EIF2AK4: variants seen among roughly 807,000 people sequenced by gnomAD.
The protein encoded by EIF2AK4 is eIF-2-alpha kinase GCN2.
In EIF2AK4, 139 loss-of-function variants were observed where a neutral mutation model predicts 211.1. That is an observed-to-expected ratio of 0.66 (90% confidence interval 0.57 to 0.76). EIF2AK4 has a LOEUF of 0.76. Among genes scored for constraint, EIF2AK4 ranks in the 30% least tolerant of loss-of-function variants. The pLI is 0.00. For synonymous variants in EIF2AK4, 710 were observed against 751.3 expected (o/e 0.94, Z 0.90); for missense variants, 1,664 against 2,043.8 (o/e 0.81, Z 3.58).
intron 21 of EIF2AK4, among the ~76,000 whole-genome samples, chr15:40,001,653 A>AAACAGTGC (rs952371482): frequency 4.3e-5 from 6 of 140,716 alleles, no homozygotes; most frequent in African/African-American, 1.6e-4. Context: ...AAAAAAAAAG[A>AAACAGTGC]AACAGTGCAT....
intron 9 of EIF2AK4, among the ~76,000 whole-genome samples, chr15:39,969,461 C>T (rs1194404760): frequency 1.3e-5 from 2 of 149,444 alleles, no homozygotes; most frequent in East Asian, 2.0e-4. Context: ...CCCAGGTTCA[C>T]GCCATTCTCC....
rs762305924 is a variant in EIF2AK4, at chr15:39,972,867, ATTGT to A, written c.1554-36_1554-33del. 3.3e-6 allele frequency: 5 copies of A among 1,528,114 alleles called. No homozygotes were observed. The African/African-American group carries it at 5.5e-5, about 17-fold the overall frequency. 94.7% of individuals were successfully genotyped at this position (1,528,114 alleles called of 1,614,324 possible). On this transcript the variant is annotated intron_variant, in intron 9 of 38. Transcript: ENST00000263791. ...CCTTGGATTAACTAGTTTAGCACTG[ATTGT>A]TTGTGATGCTAAGATTCTTCCTTCC... is the stretch of plus-strand genomic sequence containing the variant.
chr15:40,009,965 G>T (rs972894682), intron 26 of EIF2AK4, among the ~76,000 whole-genome samples: 1 of 152,074 alleles, frequency 6.6e-6, no homozygotes, highest in Admixed American at 6.6e-5. Context: ...AATAACCTCC[G>T]GGGTGTTTTT....
In EIF2AK4 at chr15:39,949,107, C is replaced by T. The variant is rs773102331; in HGVS notation, c.361-9C>T. ...ATCATTTGTGGTTGATTTTTGTTTA[C>T]ATGTTTAGGTGATGATCTTTGAACT... On this transcript the variant is annotated splice_polypyrimidine_tract_variant and intron_variant, in intron 3 of 38. Transcript: ENST00000263791. 6 of 1,607,474 alleles carry T rather than the reference C, an allele frequency of 3.7e-6. No homozygotes were observed. The highest frequency in any genetic ancestry group is 5.1e-6 in the Non-Finnish European group (6 of 1,174,586).
rs1308149414 is a variant in EIF2AK4 at position 40,017,545 on chromosome 15, A to ATG, written c.4065+304_4065+305insGT. 2.5e-3 allele frequency among the ~76,000 whole-genome samples: 137 copies of ATG among 54,802 alleles called. 7 individuals are homozygous for ATG. The highest frequency in any genetic ancestry group is 8.6e-3 in the Admixed American group (32 of 3,700). The allele number at this position is 54,802 out of a possible 152,430, so 36.0% of individuals were successfully genotyped here. On this transcript the variant is annotated intron_variant, in intron 29 of 38. Coordinates refer to ENST00000263791, the MANE Select transcript of EIF2AK4 (RefSeq NM_001013703.4). ...TATATATATATATATATATATATAT[A>ATG]TATATATATGTATTTTGGAGACAGG...
At chr15:40,026,226 T>C (rs1481896832) in intron 33 of EIF2AK4, 137 bp downstream of exon 33, 6 of 730,404 alleles carry the variant, frequency 8.2e-6, no homozygotes, top group Non-Finnish European at 1.3e-5. Context: ...AGGCCAAGTT[T>C]GGGGAATCAC....
In EIF2AK4 at chr15:40,035,010, T is replaced by C. The variant is rs749948513; in HGVS notation, c.4893-17T>C. On this transcript the variant is annotated splice_polypyrimidine_tract_variant and intron_variant, in intron 38 of 38. Coordinates refer to ENST00000263791, the MANE Select transcript of EIF2AK4 (RefSeq NM_001013703.4). Reference sequence around the variant, plus strand: ...TTAAACTGAGTCTGTCCTTATATCTTTTCTTTTCTTTTGCAGGGTGTCTGT... The same window carrying C: ...TTAAACTGAGTCTGTCCTTATATCTCTTCTTTTCTTTTGCAGGGTGTCTGT... 3.2e-6 allele frequency: 5 copies of C among 1,552,204 alleles called. No homozygotes were observed. The African/African-American group carries it at 6.8e-5, about 21-fold the overall frequency.
chr15:39,951,822 C>G lies in EIF2AK4; in HGVS notation c.514-2082C>G, dbSNP rs547076808. 3.8e-4 allele frequency: 60 copies of G among 158,788 alleles called. 1 individual carries two copies. In the South Asian group the frequency reaches 0.01, roughly 28 times the overall value. The allele number at this position is 158,788 out of a possible 1,614,324, so 9.8% of individuals were successfully genotyped here. ...ATTATACAAGCCATGGTATAGAGACCTCCTTACTTACCCCCTTCTCCTTCT... is the reference window on the plus strand; with the variant it reads ...ATTATACAAGCCATGGTATAGAGACGTCCTTACTTACCCCCTTCTCCTTCT... On this transcript the variant is annotated intron_variant, in intron 4 of 38. Transcript: ENST00000263791.
chr15:39,934,117 C>T lies in EIF2AK4; in HGVS notation c.-79C>T, dbSNP rs2034024663. On this transcript the variant is annotated 5_prime_UTR_variant, in exon 1 of 39. Transcript: ENST00000263791. ...AACACCGCCCATAGCCCGTCCCCAG[C>T]GCGGAGCCCCGCCCCGCAGGCTGCC... 2.5e-6 allele frequency: 3 copies of T among 1,187,024 alleles called. No homozygotes were observed. 73.5% of individuals were successfully genotyped at this position (1,187,024 alleles called of 1,614,324 possible).
intron 9 of EIF2AK4, 27 bp downstream of exon 9, chr15:39,967,906 T>C (rs535253036): frequency 1.9e-6 from 3 of 1,606,912 alleles, no homozygotes; most frequent in South Asian, 1.1e-5. Context: ...TTCTCTCTAA[T>C]AGCACTTTAC....
chr15:40,029,525 T>C lies in EIF2AK4; in HGVS notation c.4561+61T>C, dbSNP rs2035510571. 3.3e-6 allele frequency: 5 copies of C among 1,524,216 alleles called. No individual in the cohort carries two copies. The South Asian group carries it at 4.8e-5, about 15-fold the overall frequency. 94.4% of individuals were successfully genotyped at this position (1,524,216 alleles called of 1,614,324 possible). ...CTTATATGTTTGCTCTAAGCACTTA[T>C]TACTGTAGCTAACTGCTTGTGACAC... On this transcript the variant is annotated intron_variant, in intron 34 of 38. Coordinates refer to ENST00000263791, the MANE Select transcript of EIF2AK4 (RefSeq NM_001013703.4).
At position 39,961,852 on chromosome 15, in the gene EIF2AK4, A is replaced by G. The variant is rs759523144; in HGVS notation, c.812A>G (p.Asn271Ser). 5.6e-6 allele frequency: 9 copies of G among 1,614,046 alleles called. No individual in the cohort carries two copies. Among genetic ancestry groups the G allele is most frequent in the Non-Finnish European group, 7.6e-6 (9 of 1,180,010 alleles). ...SPGSCEILYF[N>S]MGSPDQLMVH... ...GGCTCTTGTGAAATTCTGTATTTCA[A>G]TATGGGGAGTCCTGATCAGCTCATG... The change falls in exon 7 of 39, where the codon AAT (asparagine) becomes AGT (serine). Residue 271 changes from asparagine (N) to serine (S), a missense_variant. Physicochemically the swap from Asn to Ser is conservative, Grantham distance 46. Around this residue, in one of 7 missense-constraint regions of EIF2AK4, gnomAD observed 641 missense variants for 729.6 expected, o/e 0.88. Coordinates refer to ENST00000263791, the MANE Select transcript of EIF2AK4 (RefSeq NM_001013703.4).
intron 33 of EIF2AK4, 26 bp from the exon 34 acceptor site, chr15:40,029,369 GACTGTTCTTTA>G: frequency 6.2e-7 from 1 of 1,609,562 alleles, no homozygotes; most frequent in East Asian, 2.2e-5. Context: ...GTGCCTTATT[GACTGTTCTTTA>G]ATTGTTTTTG....
Position 39,943,469 on chromosome 15 carries a change from A to G in EIF2AK4, c.344A>G (p.Lys115Arg), listed in dbSNP as rs761449842. 1 of 1,585,460 alleles carries G rather than the reference A, an allele frequency of 6.3e-7. No homozygotes were observed. Among genetic ancestry groups the G allele is most frequent in the Non-Finnish European group, 8.5e-7 (1 of 1,170,582 alleles). Residue 115 changes from lysine (K) to arginine (R), a missense_variant, in exon 3 of 39, where the codon AAG becomes AGG. Lys to Arg is a conservative substitution (Grantham distance 26, BLOSUM62 2). Coordinates refer to ENST00000263791, the MANE Select transcript of EIF2AK4 (RefSeq NM_001013703.4). ...LLKSRLEELA[K>R]KHCGEVMIFE... ...AAATCTCGCCTAGAAGAACTGGCCA[A>G]GAAACACTGTGGGGAGGTAAGATTT...
At chr15:39,954,384 C>G (rs1403953737) in intron 5 of EIF2AK4, among the ~76,000 whole-genome samples, 1 of 152,180 alleles carries the variant, frequency 6.6e-6, no homozygotes, top group Non-Finnish European at 1.5e-5. Context: ...TCCCGAGTAT[C>G]TGGGATTACA....
At chr15:39,949,305 G>A in intron 4 of EIF2AK4, 37 bp downstream of exon 4, 1 of 1,607,256 alleles carries the variant, frequency 6.2e-7, no homozygotes. Flanking sequence ...TGCATGGCCA[G>A]CCTGGAGGAT....
intron 5 of EIF2AK4, 83 bp from the exon 6 acceptor site, chr15:39,955,537 T>C: frequency 7.2e-7 from 1 of 1,397,642 alleles, no homozygotes. Context: ...ATTTGCATTC[T>C]ATACTGAATT....
intron 5 of EIF2AK4, among the ~76,000 whole-genome samples, chr15:39,955,041 C>A (rs1416809174): frequency 1.3e-5 from 2 of 152,118 alleles, no homozygotes; most frequent in Admixed American, 6.5e-5. Flanking sequence ...TGAAACTAAA[C>A]CTGCGTAAAA....
Position 40,011,352 on chromosome 15 carries a change from T to A in EIF2AK4, c.3759+6T>A, listed in dbSNP as rs764676682. ...TGTCTTTGTCTTCTAATAGTGTAAGTACCTTCTAATGGTATTATTACAGCT... is the reference window on the plus strand; with the variant it reads ...TGTCTTTGTCTTCTAATAGTGTAAGAACCTTCTAATGGTATTATTACAGCT... On this transcript the variant is annotated splice_donor_region_variant and intron_variant, in intron 27 of 38. Transcript: ENST00000263791. 2 of 1,604,084 alleles carry A rather than the reference T, an allele frequency of 1.2e-6. No homozygotes were observed. Among genetic ancestry groups the A allele is most frequent in the Non-Finnish European group, 8.5e-7 (1 of 1,172,248 alleles).
Sources: allele counts gnomAD v4.1 joint callset (sites outside exome capture counted in the v4.1 genomes callset), GRCh38; gene constraint gnomAD v4.1.1; regional missense constraint gnomAD v4.1.1; transcripts MANE v1.5; gene names NCBI Gene and HGNC (gene_info 2026-07-23, HGNC 2026-07-21).